ANTXR1: variants seen among roughly 807,000 people sequenced by gnomAD.
ANTXR1 encodes ANTXR cell adhesion molecule 1.
A neutral mutation model predicts 78.1 loss-of-function variants in ANTXR1; 19 were observed. The ratio of observed to expected loss-of-function variants is 0.24; its 90% confidence interval spans 0.17 to 0.36. The LOEUF (loss-of-function observed/expected upper bound fraction) is 0.36. ANTXR1 is among the 10% of genes least tolerant of loss of function. The pLI, the probability that ANTXR1 is intolerant of heterozygous loss-of-function variation, is 1.00. For missense variants in ANTXR1, 518 were observed against 718.6 expected (o/e 0.72, Z 3.19); for synonymous variants, 273 against 260.5 (o/e 1.05, Z -0.46).
Position 69,216,627 on chromosome 2 carries a change from A to G in ANTXR1, c.1434+23212A>G, listed in dbSNP as rs995988679. On this transcript the variant is annotated intron_variant, in intron 17 of 17. Coordinates refer to ENST00000303714, the MANE Select transcript of ANTXR1 (RefSeq NM_032208.3). ...CCTCACCCATCACCATGTCCCAGAG[A>G]CTGGGCTCCAGAGGTCAAAAGAAAA... Among the ~76,000 whole-genome samples the G allele has an allele frequency of 3.9e-5, 6 of 152,128 alleles. No individual in the cohort carries two copies. The South Asian group carries it at 1.0e-3, about 26-fold the overall frequency.
At chr2:69,146,090 T>C (rs1673219291) in intron 12 of ANTXR1, 1 of 985,494 alleles carries the variant, frequency 1.0e-6, no homozygotes, top group Admixed American at 6.1e-5. Flanking sequence ...TAATGACACA[T>C]GCCCGAATGA....
At chr2:69,043,998 T>C (rs1170369992) in intron 2 of ANTXR1, among the ~76,000 whole-genome samples, 7 of 152,206 alleles carry the variant, frequency 4.6e-5, no homozygotes, top group Admixed American at 2.6e-4. Flanking sequence ...CGGCATTGCA[T>C]TGCTGAATCC....
intron 1 of ANTXR1, among the ~76,000 whole-genome samples, chr2:69,027,286 G>A (rs151201458): frequency 2.0e-5 from 3 of 152,260 alleles, no homozygotes; most frequent in East Asian, 3.9e-4. Flanking sequence ...CCGCCAGATC[G>A]CGCGCCTCCA....
At chr2:69,039,930 T>C in intron 1 of ANTXR1, 114 bp from the exon 2 acceptor site, 1 of 813,928 alleles carries the variant, frequency 1.2e-6, no homozygotes, top group Non-Finnish European at 2.1e-6. Context: ...TTTCAAGTAA[T>C]GAGTCCAGTT....
At chr2:69,061,346 G>A (rs528426562) in intron 3 of ANTXR1, among the ~76,000 whole-genome samples, 174 of 152,278 alleles carry the variant, frequency 1.1e-3, no homozygotes, top group African/African-American at 3.9e-3. Context: ...CAAAACAAAT[G>A]TTGCTACTTC....
At chr2:69,060,657 C>G (rs972877800) in intron 3 of ANTXR1, among the ~76,000 whole-genome samples, 2 of 152,156 alleles carry the variant, frequency 1.3e-5, no homozygotes, top group African/African-American at 4.8e-5. Flanking sequence ...AGGACATCAA[C>G]TGTGTCTTAT....
chr2:69,056,738 A>G (rs1670078725), intron 3 of ANTXR1, among the ~76,000 whole-genome samples: 1 of 152,118 alleles, frequency 6.6e-6, no homozygotes, highest in South Asian at 2.1e-4. Context: ...GCAGTGTGCG[A>G]TCTTGGCTCA....
At chr2:69,179,022 G>A (rs1182714508) in intron 14 of ANTXR1, among the ~76,000 whole-genome samples, 2 of 152,138 alleles carry the variant, frequency 1.3e-5, no homozygotes, top group East Asian at 3.9e-4. Flanking sequence ...CCCCAGACTG[G>A]GAATGCCCAG....
chr2:69,214,677 C>A (rs1675134946), intron 17 of ANTXR1, among the ~76,000 whole-genome samples: 1 of 152,312 alleles, frequency 6.6e-6, no homozygotes, highest in South Asian at 2.1e-4. Context: ...CAATTTCTTA[C>A]CCCTCCTTGG....
intron 17 of ANTXR1, among the ~76,000 whole-genome samples, chr2:69,230,329 A>G (rs1405969478): frequency 6.6e-6 from 1 of 151,898 alleles, no homozygotes; most frequent in Non-Finnish European, 1.5e-5. Flanking sequence ...TTTTTTAGCT[A>G]CAATGGTTTA....
chr2:69,066,476 AT>A (rs1670404005), intron 3 of ANTXR1, among the ~76,000 whole-genome samples: 1 of 151,590 alleles, frequency 6.6e-6, no homozygotes, highest in Non-Finnish European at 1.5e-5. Context: ...TTTTAATTTA[AT>A]TTTTTTCTTA....
At chr2:69,037,631 G>A (rs912320695) in intron 1 of ANTXR1, among the ~76,000 whole-genome samples, 1 of 152,016 alleles carries the variant, frequency 6.6e-6, no homozygotes, top group Middle Eastern at 3.4e-3. Flanking sequence ...CACCATGCCC[G>A]GCTAATTTTT....
At chr2:69,150,513 C>T (rs929977186) in intron 12 of ANTXR1, among the ~76,000 whole-genome samples, 4 of 152,092 alleles carry the variant, frequency 2.6e-5, no homozygotes, top group African/African-American at 9.7e-5. Flanking sequence ...AGTTTATTTT[C>T]TCACTATGAA....
Position 69,140,719 on chromosome 2 carries a change from A to ATCTC in ANTXR1, c.952-11449_952-11446dup, listed in dbSNP as rs1176831021. On this transcript the variant is annotated intron_variant, in intron 12 of 17. Transcript: ENST00000303714. ...GCTGTATCACTGGAGGTAGTCTCCA[A>ATCTC]TCTCCAAAGCCACTAGTTTGGAGAT... is the stretch of plus-strand genomic sequence containing the variant. Among the ~76,000 whole-genome samples, 4 of 152,364 alleles carry ATCTC rather than the reference A, an allele frequency of 2.6e-5. No homozygotes were observed. In the East Asian group the frequency reaches 5.8e-4, roughly 22 times the overall value.
At chr2:69,180,409 A>G (rs552842850) in intron 14 of ANTXR1, among the ~76,000 whole-genome samples, 3 of 152,150 alleles carry the variant, frequency 2.0e-5, no homozygotes, top group Admixed American at 6.5e-5. Flanking sequence ...TAATCCATCC[A>G]TGACTATAAA....
At chr2:69,134,544 G>A (rs1466947919) in intron 12 of ANTXR1, among the ~76,000 whole-genome samples, 2 of 152,168 alleles carry the variant, frequency 1.3e-5, no homozygotes, top group Non-Finnish European at 2.9e-5. Flanking sequence ...CTCAGAGTGG[G>A]GATTGGAATA....
At chr2:69,085,075 G>A (rs13396811) in intron 8 of ANTXR1, among the ~76,000 whole-genome samples, 16,862 of 151,978 alleles carry the variant, frequency 0.11, 1,027 homozygotes, top group East Asian at 0.22. Flanking sequence ...ATTAATTAGA[G>A]ATTAAATCAT....
chr2:69,125,198 C>G (rs1009552721), intron 12 of ANTXR1, among the ~76,000 whole-genome samples: 3 of 152,008 alleles, frequency 2.0e-5, no homozygotes, highest in Admixed American at 6.6e-5. Context: ...GGGAAGGAGC[C>G]CTTACAATAG....
chr2:69,098,905 T>C (rs1268149364), intron 9 of ANTXR1, among the ~76,000 whole-genome samples: 3 of 152,140 alleles, frequency 2.0e-5, no homozygotes, highest in Non-Finnish European at 1.5e-5. Flanking sequence ...AGAATAGCTT[T>C]AACTTAGGAG....
Sources: gnomAD v4.1 joint callset for allele counts (sites outside exome capture counted in the v4.1 genomes callset) on GRCh38, gnomAD v4.1.1 for gene constraint, MANE v1.5 for transcripts, NCBI Gene and HGNC (gene_info 2026-07-23, HGNC 2026-07-21) for gene names.